The following SLC2A14 variants were observed in gnomAD, a reference collection of about 807,000 sequenced individuals.
SLC2A14 encodes the protein solute carrier family 2 member 14.
A neutral mutation model predicts 43.0 loss-of-function variants in SLC2A14; 13 were observed. The observed-to-expected ratio is 0.30, with a 90% confidence interval of 0.20 to 0.48. The LOEUF is 0.48. SLC2A14 is among the 20% of genes least tolerant of loss of function. The pLI is 0.99. For missense variants in SLC2A14, 428 were observed against 620.4 expected, an observed-to-expected ratio of 0.69 and a Z score of 3.29; for synonymous variants, 190 against 233.8, an observed-to-expected ratio of 0.81 and a Z score of 1.71.
chr12:7,857,097 A>G (rs1025717447), intron 2 of SLC2A14, among the ~76,000 whole-genome samples: 4 of 151,672 alleles, frequency 2.6e-5, no homozygotes, highest in Non-Finnish European at 5.9e-5. Context: ...TAAAAATACA[A>G]AAATTAGCTG....
chr12:7,846,732 A>C, intron 2 of SLC2A14, among the ~76,000 whole-genome samples: 1 of 127,154 alleles, frequency 7.9e-6, no homozygotes, highest in Non-Finnish European at 1.8e-5. Context: ...CCTGGGTTCA[A>C]GCGATTCTCC....
At chr12:7,870,155 T>G (rs1402052183) in intron 1 of SLC2A14, among the ~76,000 whole-genome samples, 3 of 152,104 alleles carry the variant, frequency 2.0e-5, no homozygotes, top group Non-Finnish European at 2.9e-5. Context: ...TGAGAAGCAT[T>G]TTTTCAAATA....
rs142986584 is a variant in SLC2A14, at chr12:7,816,142, G to A, written c.1276-1608C>T. ...AGACGGAGTCTCGCTCTGTCGCCCA[G>A]GCCGGACTGCGGACTGCAGTGGCGC... On this transcript the variant is annotated intron_variant, in intron 10 of 10. Coordinates refer to ENST00000431042, the MANE Select transcript of SLC2A14 (RefSeq NM_001286234.2). Among the ~76,000 whole-genome samples the A allele has an allele frequency of 1.8e-3, 91 of 51,854 alleles. 23 individuals are homozygous for A. The East Asian group carries it at 0.045, about 26-fold the overall frequency. The allele number at this position is 51,854 out of a possible 152,430, so 34.0% of individuals were successfully genotyped here.
At chr12:7,873,042 C>T (rs914694945), upstream of SLC2A14, 21 of 985,476 alleles carry the variant, frequency 2.1e-5, no homozygotes, top group African/African-American at 3.3e-4. Flanking sequence ...AGGGGTCCGG[C>T]TCGCGGTCGG....
intron 6 of SLC2A14, among the ~76,000 whole-genome samples, chr12:7,828,472 C>A (rs1053433399): frequency 6.6e-6 from 1 of 152,022 alleles, no homozygotes; most frequent in Non-Finnish European, 1.5e-5. Flanking sequence ...CGCTTAGAAC[C>A]CAGGAGGCGG....
intron 2 of SLC2A14, among the ~76,000 whole-genome samples, chr12:7,866,764 G>A (rs1312572211): frequency 6.6e-6 from 1 of 152,162 alleles, no homozygotes; most frequent in Admixed American, 6.5e-5. Context: ...AAGGAAAGAA[G>A]CTGTCCCTAT....
intron 7 of SLC2A14, among the ~76,000 whole-genome samples, chr12:7,824,619 G>A (rs993160589): frequency 2.0e-5 from 3 of 150,766 alleles, no homozygotes; most frequent in African/African-American, 7.3e-5. Flanking sequence ...TGTAATCCCA[G>A]CTACTCAGAA....
rs1252238555 is a variant in SLC2A14, at chr12:7,879,017, T to TC, written c.132+11978dup. Among the ~76,000 whole-genome samples the TC allele has an allele frequency of 2.0e-5, 3 of 150,562 alleles. No individual in the cohort carries two copies. In the Admixed American group the frequency reaches 2.0e-4, roughly 10 times the overall value. On this transcript the variant is annotated intron_variant, in intron 1 of 9. Transcript: ENST00000539924. Reference sequence around the variant, plus strand: ...AAAAAAAAAAAAAACAATTTGTCTTTCTTTTTTTTCCTCAACCTTACTCTA... The same window carrying TC: ...AAAAAAAAAAAAAACAATTTGTCTTTCCTTTTTTTTCCTCAACCTTACTCTA...
chr12:7,887,903 C>G (rs1945714046), intron 1 of SLC2A14, among the ~76,000 whole-genome samples: 1 of 152,084 alleles, frequency 6.6e-6, no homozygotes, highest in Non-Finnish European at 1.5e-5. Context: ...CAAAATCTTC[C>G]TTTGGCTTTC....
chr12:7,830,573 C>T (rs761388681), intron 4 of SLC2A14, among the ~76,000 whole-genome samples: 43 of 151,994 alleles, frequency 2.8e-4, no homozygotes, highest in Admixed American at 5.2e-4. Context: ...GAGGTCGAGG[C>T]TATAGTGAGC....
At chr12:7,871,829 A>G in intron 1 of SLC2A14, 3 of 857,912 alleles carry the variant, frequency 3.5e-6, no homozygotes, top group Non-Finnish European at 4.2e-6. Flanking sequence ...ACAGGACACT[A>G]GACTCCTCCC....
intron 1 of SLC2A14, among the ~76,000 whole-genome samples, chr12:7,870,319 G>C (rs1427740907): frequency 1.3e-5 from 2 of 152,146 alleles, no homozygotes; most frequent in Non-Finnish European, 1.5e-5. Context: ...GTGATTTAAT[G>C]TGGTTTACCT....
intron 1 of SLC2A14, among the ~76,000 whole-genome samples, chr12:7,888,948 A>G (rs979640667): frequency 5.3e-5 from 8 of 152,000 alleles, no homozygotes; most frequent in Admixed American, 4.6e-4. Context: ...CCAATTTGAC[A>G]CTCCATCTCT....
chr12:7,871,260 A>G, intron 1 of SLC2A14: 4 of 1,200,738 alleles, frequency 3.3e-6, no homozygotes, highest in Non-Finnish European at 4.2e-6. Context: ...ACAGCTTCAC[A>G]GATGAAGAAG....
chr12:7,847,866 G>C (rs1866591999), intron 2 of SLC2A14, among the ~76,000 whole-genome samples: 1 of 152,064 alleles, frequency 6.6e-6, no homozygotes, highest in South Asian at 2.1e-4. Flanking sequence ...AATTGAGAGA[G>C]TCAAAAGAGG....
intron 1 of SLC2A14, among the ~76,000 whole-genome samples, chr12:7,870,574 T>C (rs774868847): frequency 6.6e-6 from 1 of 152,190 alleles, no homozygotes; most frequent in African/African-American, 2.4e-5. Flanking sequence ...AGGAGGAGAA[T>C]TAGGACAGAC....
chr12:7,851,170 C>A (rs1471394649), intron 2 of SLC2A14, among the ~76,000 whole-genome samples: 1 of 152,140 alleles, frequency 6.6e-6, no homozygotes, highest in African/African-American at 2.4e-5. Context: ...ACGCTACAGA[C>A]TGTGCTGAAA....
At chr12:7,883,281 T>G (rs2121114050) in intron 1 of SLC2A14, among the ~76,000 whole-genome samples, 1 of 148,092 alleles carries the variant, frequency 6.8e-6, no homozygotes, top group East Asian at 2.0e-4. Context: ...TTTTTTTTTT[T>G]TTTTGAGATG....
At chr12:7,825,829 G>C (rs1317060298) in intron 7 of SLC2A14, among the ~76,000 whole-genome samples, 1 of 149,584 alleles carries the variant, frequency 6.7e-6, no homozygotes, top group Non-Finnish European at 1.5e-5. Context: ...CCACTCTGAA[G>C]TGGGAGGAGT....
Sources: gnomAD v4.1 joint callset for allele counts (sites outside exome capture counted in the v4.1 genomes callset) on GRCh38, gnomAD v4.1.1 for gene constraint, MANE v1.5 for transcripts, NCBI Gene and HGNC (gene_info 2026-07-23, HGNC 2026-07-21) for gene names.